The following TNFAIP8L3 variants were observed in gnomAD, a reference collection of about 807,000 sequenced individuals.
TNFAIP8L3 encodes TNF alpha induced protein 8 like 3.
In TNFAIP8L3, 7 loss-of-function variants were observed where a neutral mutation model predicts 11.8. That is an observed-to-expected ratio of 0.59 (90% CI 0.34 to 1.11). The LOEUF (loss-of-function observed/expected upper bound fraction) is 1.11. Ranked by LOEUF, TNFAIP8L3 falls within the 50% of genes most tolerant of loss-of-function variation. The pLI is 0.03. For synonymous variants in TNFAIP8L3, 98 were observed against 103.8 expected (o/e 0.94, Z 0.34); for missense variants, 219 against 258.6 (o/e 0.85, Z 1.05).
Position 51,056,920 on chromosome 15 carries a change from A to ATTTTTTG in TNFAIP8L3, c.*960_*961insCAAAAAA, listed in dbSNP as rs1324255427. The ATTTTTTG allele has an allele frequency of 6.6e-6, 1 of 151,666 alleles. No individual in the cohort carries two copies. Among genetic ancestry groups the ATTTTTTG allele is most frequent in the African/African-American group, 2.4e-5 (1 of 41,286 alleles). The allele number at this position is 151,666 out of a possible 1,614,324, so 9.4% of individuals were successfully genotyped here. On this transcript the variant is annotated 3_prime_UTR_variant, in exon 2 of 2. Transcript: ENST00000637513. ...TAAAAAAATTATTATTATTATTATT[A>ATTTTTTG]TTTTTTAGAGACAGAGTCTTGCTCT...
chr15:51,066,829 T>TA (rs1369453573), intron 1 of TNFAIP8L3, among the ~76,000 whole-genome samples: 1 of 152,222 alleles, frequency 6.6e-6, no homozygotes, highest in Non-Finnish European at 1.5e-5. Context: ...GTGAACCTAA[T>TA]ACAGTTGTGG....
rs531836862 is a variant in TNFAIP8L3 at position 51,056,730 on chromosome 15, C to G, written c.*1151G>C. The G allele has an allele frequency of 1.3e-5, 2 of 152,152 alleles. No individual in the cohort carries two copies. Among genetic ancestry groups the G allele is most frequent in the South Asian group, 4.2e-4 (2 of 4,816 alleles). 9.4% of individuals were successfully genotyped at this position (152,152 alleles called of 1,614,324 possible). ...GCATATGGAATAAAGCCTCCCTGAG[C>G]TCCATGCCCCTTAGATAAGGGAAGG... On this transcript the variant is annotated 3_prime_UTR_variant, in exon 2 of 2. Coordinates refer to ENST00000637513, the MANE Select transcript of TNFAIP8L3 (RefSeq NM_001311175.2).
chr15:51,102,845 C>G (rs544853099), intron 1 of TNFAIP8L3, among the ~76,000 whole-genome samples: 6 of 152,158 alleles, frequency 3.9e-5, no homozygotes, highest in Non-Finnish European at 8.8e-5. Context: ...AATCTCTCTC[C>G]CCATTACTGA....
At chr15:51,079,855 CAAAAAAAAAAAA>C (rs10602536) in intron 1 of TNFAIP8L3, among the ~76,000 whole-genome samples, 8 of 77,586 alleles carry the variant, frequency 1.0e-4, no homozygotes, top group South Asian at 5.5e-4. Flanking sequence ...GACTTTGTCT[CAAAAAAAAAAAA>C]AAAAAAAAAA....
chr15:51,060,020 C>T (rs1453793158), intron 1 of TNFAIP8L3, among the ~76,000 whole-genome samples: 1 of 152,252 alleles, frequency 6.6e-6, no homozygotes, highest in East Asian at 1.9e-4. Flanking sequence ...CATGGCCAGG[C>T]TTTTCCCTTC....
At chr15:51,089,356 T>C (rs1458623379) in intron 1 of TNFAIP8L3, among the ~76,000 whole-genome samples, 1 of 152,170 alleles carries the variant, frequency 6.6e-6, no homozygotes, top group Non-Finnish European at 1.5e-5. Context: ...GGAAGCTAAC[T>C]AACAGTCCAG....
intron 1 of TNFAIP8L3, among the ~76,000 whole-genome samples, chr15:51,101,840 G>C (rs1179098628): frequency 6.6e-6 from 1 of 150,844 alleles, no homozygotes; most frequent in African/African-American, 2.4e-5. Flanking sequence ...CAGCTACTCG[G>C]GAGGCTGAGG....
chr15:51,079,315 C>T (rs1457069762), intron 1 of TNFAIP8L3, among the ~76,000 whole-genome samples: 3 of 152,224 alleles, frequency 2.0e-5, no homozygotes, highest in Non-Finnish European at 4.4e-5. Flanking sequence ...TTGCAATCAC[C>T]TGCCCTGTCA....
intron 1 of TNFAIP8L3, among the ~76,000 whole-genome samples, chr15:51,083,238 A>G: frequency 6.6e-6 from 1 of 152,144 alleles, no homozygotes; most frequent in South Asian, 2.1e-4. Context: ...TCCTTCAGAA[A>G]TAGATTCACA....
At position 51,100,465 on chromosome 15, in the gene TNFAIP8L3, G is replaced by C. The variant is rs546167591; in HGVS notation, c.172+4540C>G. ...GATGCTTGTGCTTATCAATGGTATA[G>C]ATTACCATACTAACACAGGTAAGAG... On this transcript the variant is annotated intron_variant, in intron 1 of 2. Transcript: ENST00000327536. 4.6e-5 allele frequency among the ~76,000 whole-genome samples: 7 copies of C among 152,220 alleles called. No homozygotes were observed. In the South Asian group the frequency reaches 1.5e-3, roughly 32 times the overall value.
intron 1 of TNFAIP8L3, among the ~76,000 whole-genome samples, chr15:51,102,227 G>A (rs1413655288): frequency 3.9e-5 from 6 of 152,110 alleles, no homozygotes; most frequent in Admixed American, 1.3e-4. Flanking sequence ...CCCCAGACAG[G>A]CATGCTTTCA....
upstream of TNFAIP8L3, among the ~76,000 whole-genome samples, chr15:51,095,480 C>T (rs1338168148): frequency 1.3e-5 from 2 of 151,984 alleles, no homozygotes; most frequent in Non-Finnish European, 2.9e-5. Flanking sequence ...TCCGGGGGCT[C>T]GGTGAGTCTG....
At chr15:51,077,226 C>T (rs573607952) in intron 1 of TNFAIP8L3, among the ~76,000 whole-genome samples, 2 of 152,346 alleles carry the variant, frequency 1.3e-5, no homozygotes, top group East Asian at 3.9e-4. Flanking sequence ...CAGCAGGCGT[C>T]ATGCTGGCTC....
chr15:51,077,379 C>T (rs1452994731), intron 1 of TNFAIP8L3, among the ~76,000 whole-genome samples: 3 of 152,208 alleles, frequency 2.0e-5, no homozygotes, highest in African/African-American at 4.8e-5. Context: ...CAGCCCTTCC[C>T]GCTGGTCCCA....
intron 1 of TNFAIP8L3, chr15:51,069,566 T>C (rs969039342): frequency 6.6e-6 from 1 of 152,154 alleles, no homozygotes; most frequent in Admixed American, 6.5e-5. Flanking sequence ...TCTCAGCTTG[T>C]TTTAGAGCCT....
rs2140983161 is a variant in TNFAIP8L3 at position 51,094,723 on chromosome 15, C to A, written c.-128G>T. On this transcript the variant is annotated 5_prime_UTR_variant, in exon 1 of 2. Transcript: ENST00000637513. This position sits in a 1 kb window ranked among gnomAD's most constrained non-coding sequence, Gnocchi z 4.4. ...GGCGGCGCGGGCGGCGCGGGCTGGG[C>A]GGTGCGCGGCGGCAGCGGCCAGGGG... 2.0e-6 allele frequency: 2 copies of A among 985,334 alleles called. No homozygotes were observed. Among genetic ancestry groups the A allele is most frequent in the African/African-American group, 3.5e-5 (2 of 56,686 alleles). The allele number at this position is 985,334 out of a possible 1,614,324, so 61.0% of individuals were successfully genotyped here. A position where few individuals can be genotyped will look rare whatever the true frequency, so the allele number is the denominator to read the frequency against.
chr15:51,089,976 A>G (rs931934080), intron 1 of TNFAIP8L3, among the ~76,000 whole-genome samples: 1 of 152,240 alleles, frequency 6.6e-6, no homozygotes, highest in African/African-American at 2.4e-5. Context: ...AAAGATTACT[A>G]AACAGCCTCT....
chr15:51,100,424 T>A, intron 1 of TNFAIP8L3, among the ~76,000 whole-genome samples: 1 of 152,052 alleles, frequency 6.6e-6, no homozygotes, highest in South Asian at 2.1e-4. Flanking sequence ...AGAGTAGTGA[T>A]TTAGAGAAAG....
At chr15:51,065,588 T>A (rs2065265520) in intron 1 of TNFAIP8L3, among the ~76,000 whole-genome samples, 2 of 152,220 alleles carry the variant, frequency 1.3e-5, no homozygotes, top group South Asian at 2.1e-4. Context: ...TTATAAAACA[T>A]GACAGGCTCT....
Sources: gnomAD v4.1 joint callset for allele counts (sites outside exome capture counted in the v4.1 genomes callset) on GRCh38, gnomAD v4.1.1 for gene constraint, Gnocchi (gnomAD v3.1) non-coding constraint, MANE v1.5 for transcripts, NCBI Gene and HGNC (gene_info 2026-07-23, HGNC 2026-07-21) for gene names.